Variants in BRWD3 observed in about 807,000 individuals in gnomAD.
The protein encoded by BRWD3 is bromodomain and WD repeat-containing protein 3.
A neutral mutation model predicts 149.7 loss-of-function variants in BRWD3; 10 were observed. That is an observed-to-expected ratio of 0.07 (90% CI 0.04 to 0.11). The LOEUF (loss-of-function observed/expected upper bound fraction) is 0.11, where lower values mean the gene tolerates loss of function less well. Among genes scored for constraint, BRWD3 ranks in the 10% least tolerant of loss-of-function variants. BRWD3 has a pLI of 1.00. For missense variants in BRWD3, 940 were observed against 1,373.2 expected (o/e 0.68, Z 4.99); for synonymous variants, 504 against 456.7 (o/e 1.10, Z -1.32).
chrX:80,789,387 T>A (rs2074151136), intron 6 of BRWD3, among the ~76,000 whole-genome samples: 1 of 111,993 alleles, frequency 8.9e-6, no homozygotes, highest in African/African-American at 3.2e-5. Context: ...TTTTTTTTCT[T>A]TTTTTTGAGA....
intron 31 of BRWD3, among the ~76,000 whole-genome samples, chrX:80,690,755 C>A (rs1431439174): frequency 1.8e-5 from 2 of 111,656 alleles, no homozygotes; most frequent in South Asian, 3.7e-4. Flanking sequence ...ATTTGTAGCA[C>A]CTTAATAACG....
intron 40 of BRWD3, among the ~76,000 whole-genome samples, chrX:80,680,063 T>C (rs1460468001): frequency 1.8e-5 from 2 of 112,399 alleles, no homozygotes; most frequent in African/African-American, 6.4e-5. Flanking sequence ...AAGCCTATTT[T>C]TAAGTTATTT....
At chrX:80,741,537 G>C (rs1389419167) in intron 8 of BRWD3, among the ~76,000 whole-genome samples, 2 of 111,595 alleles carry the variant, frequency 1.8e-5, no homozygotes, top group African/African-American at 3.3e-5. Flanking sequence ...CAGTGTAAAA[G>C]TGTTCCTATT....
rs566597224 is a variant in BRWD3, at chrX:80,791,372, A to G, written c.430+482T>C. ...TGGGAACCACTACTAGTATTTCTTC[A>G]TAATGGTCTGGCCAGAGATGTCCCA... On this transcript the variant is annotated intron_variant, in intron 6 of 40. Transcript: ENST00000373275. 4.1e-4 allele frequency among the ~76,000 whole-genome samples: 46 copies of G among 111,791 alleles called. No individual in the cohort carries two copies. In the South Asian group the frequency reaches 0.016, roughly 39 times the overall value.
intron 6 of BRWD3, among the ~76,000 whole-genome samples, chrX:80,782,805 G>A (rs1434733139): frequency 1.8e-5 from 2 of 110,425 alleles, no homozygotes; most frequent in Non-Finnish European, 3.8e-5. Context: ...TCAGGAAGCC[G>A]AGGCAGGAAG....
At chrX:80,689,447 A>G (rs1431440129) in intron 33 of BRWD3, among the ~76,000 whole-genome samples, 1 of 111,652 alleles carries the variant, frequency 9.0e-6, no homozygotes, top group Non-Finnish European at 1.9e-5. Flanking sequence ...TCCTTACTGA[A>G]ATTTCCATCA....
At chrX:80,766,274 C>T (rs1052110461) in intron 6 of BRWD3, among the ~76,000 whole-genome samples, 14 of 111,228 alleles carry the variant, frequency 1.3e-4, no homozygotes, top group South Asian at 3.8e-4. Flanking sequence ...TTTAATGATT[C>T]TCAGGCTTTT....
intron 6 of BRWD3, among the ~76,000 whole-genome samples, chrX:80,759,006 C>A (rs2073774659): frequency 9.0e-6 from 1 of 111,418 alleles, no homozygotes; most frequent in Non-Finnish European, 1.9e-5. Flanking sequence ...TCTGGGAGGT[C>A]TCTAGTTTAT....
chrX:80,767,578 G>A (rs1226481957), intron 6 of BRWD3, among the ~76,000 whole-genome samples: 1 of 111,675 alleles, frequency 9.0e-6, no homozygotes, highest in Non-Finnish European at 1.9e-5. Context: ...ATCAAAGGTA[G>A]ATAAAACCAC....
intron 28 of BRWD3, among the ~76,000 whole-genome samples, chrX:80,692,594 A>G (rs2072626895): frequency 1.8e-5 from 2 of 112,543 alleles, no homozygotes; most frequent in Non-Finnish European, 3.8e-5. Context: ...TATTCCAGCA[A>G]TAACAATTAC....
chrX:80,720,751 T>C (rs917296404), intron 17 of BRWD3, among the ~76,000 whole-genome samples: 4 of 112,195 alleles, frequency 3.6e-5, no homozygotes, highest in East Asian at 2.8e-4. Context: ...GAATCACCCA[T>C]AGCAATTTCC....
intron 6 of BRWD3, among the ~76,000 whole-genome samples, chrX:80,758,705 T>A (rs1210948433): frequency 9.0e-6 from 1 of 110,970 alleles, no homozygotes; most frequent in Admixed American, 9.7e-5. Flanking sequence ...ACTCAGAGGC[T>A]GAGGCAGAAG....
chrX:80,717,871 G>A, intron 18 of BRWD3, 112 bp from the exon 19 acceptor site: 1 of 662,312 alleles, frequency 1.5e-6, no homozygotes, highest in Non-Finnish European at 2.4e-6. Flanking sequence ...TGTAAGAATT[G>A]CTATCCCTTT....
intron 20 of BRWD3, among the ~76,000 whole-genome samples, chrX:80,715,296 C>A (rs2073059509): frequency 9.1e-6 from 1 of 110,039 alleles, no homozygotes; most frequent in African/African-American, 3.3e-5. Context: ...GTTAAGAAAG[C>A]AAACATCAAA....
intron 20 of BRWD3, among the ~76,000 whole-genome samples, chrX:80,715,142 G>A (rs917731376): frequency 1.7e-4 from 19 of 109,547 alleles, no homozygotes; most frequent in African/African-American, 4.7e-4. Flanking sequence ...AGCCAAGTCT[G>A]ATGTTTGATA....
chrX:80,743,947 C>G, intron 8 of BRWD3, 85 bp downstream of exon 8: 1 of 799,102 alleles, frequency 1.3e-6, no homozygotes, highest in Non-Finnish European at 1.8e-6. Flanking sequence ...ATTCTTTGGG[C>G]TATTATCTAT....
intron 6 of BRWD3, among the ~76,000 whole-genome samples, chrX:80,777,104 C>T (rs749447804): frequency 1.1e-4 from 12 of 108,918 alleles, no homozygotes; most frequent in Non-Finnish European, 2.3e-4. Flanking sequence ...AATTATCCTA[C>T]AGATTCAGCA....
intron 40 of BRWD3, among the ~76,000 whole-genome samples, chrX:80,679,200 G>A (rs2072410596): frequency 8.9e-6 from 1 of 111,906 alleles, no homozygotes; most frequent in Non-Finnish European, 1.9e-5. Flanking sequence ...TAATACTTCA[G>A]GCTGGAGACT....
At chrX:80,688,497 A>T (rs757666031) in intron 33 of BRWD3, among the ~76,000 whole-genome samples, 3 of 111,455 alleles carry the variant, frequency 2.7e-5, no homozygotes, top group African/African-American at 9.7e-5. Context: ...CTCCATTGAC[A>T]TTTCAAGAAA....
Sources: gnomAD v4.1 joint callset for allele counts (sites outside exome capture counted in the v4.1 genomes callset) on GRCh38, gnomAD v4.1.1 for gene constraint, MANE v1.5 for transcripts, NCBI Gene and HGNC (gene_info 2026-07-23, HGNC 2026-07-21) for gene names.